MCTP2: variants seen among roughly 807,000 people sequenced by gnomAD.
The protein encoded by MCTP2 is multiple C2 and transmembrane domain containing 2.
A neutral mutation model predicts 111.6 loss-of-function variants in MCTP2; 132 were observed. That is an observed-to-expected ratio of 1.18 (90% CI 1.03 to 1.37). The LOEUF (loss-of-function observed/expected upper bound fraction) is 1.37, where lower values mean the gene tolerates loss of function less well. MCTP2 is among the 40% of genes most tolerant of loss of function. MCTP2 has a pLI of 0.00. For missense variants in MCTP2, 1,183 were observed against 1,067.9 expected, an observed-to-expected ratio of 1.11 and a Z score of -1.50; for synonymous variants, 395 against 387.7, an observed-to-expected ratio of 1.02 and a Z score of -0.22.
At chr15:94,462,206 G>T (rs2152530669) in intron 20 of MCTP2, among the ~76,000 whole-genome samples, 2 of 152,230 alleles carry the variant, frequency 1.3e-5, no homozygotes, top group Middle Eastern at 6.8e-3. Context: ...CCACCTTCTG[G>T]GATGTGTCAC....
At chr15:94,427,976 C>T (rs534086290) in intron 17 of MCTP2, among the ~76,000 whole-genome samples, 18 of 152,220 alleles carry the variant, frequency 1.2e-4, no homozygotes, top group African/African-American at 4.3e-4. Flanking sequence ...AAACCATACC[C>T]CTCCCAATTT....
chr15:94,471,054 A>G (rs1028326215), intron 21 of MCTP2, among the ~76,000 whole-genome samples: 4 of 152,230 alleles, frequency 2.6e-5, no homozygotes, highest in Non-Finnish European at 5.9e-5. Flanking sequence ...GCAAACTGGA[A>G]ATAAATGTCA....
intron 17 of MCTP2, among the ~76,000 whole-genome samples, chr15:94,405,066 C>T (rs923060619): frequency 7.9e-5 from 12 of 152,138 alleles, no homozygotes; most frequent in African/African-American, 1.7e-4. Context: ...TTAAATGACC[C>T]GTAGTCAGGT....
At chr15:94,393,119 A>G (rs997643377) in intron 14 of MCTP2, among the ~76,000 whole-genome samples, 1 of 152,000 alleles carries the variant, frequency 6.6e-6, no homozygotes, top group Admixed American at 6.6e-5. Flanking sequence ...TATGAACATA[A>G]AGAAAATTCA....
chr15:94,337,544 A>T (rs1301215260), intron 4 of MCTP2, among the ~76,000 whole-genome samples: 79 of 117,602 alleles, frequency 6.7e-4, no homozygotes, highest in Admixed American at 4.3e-4. Context: ...GCCTCGCCAG[A>T]GGTGTTCTCT....
chr15:94,476,641 TAGATAGATAG>T (rs2152546080), intron 21 of MCTP2, 45 bp from the exon 22 acceptor site: 5 of 883,522 alleles, frequency 5.7e-6, no homozygotes, highest in Admixed American at 3.6e-5. Flanking sequence ...GATAGATAGA[TAGATAGATAG>T]ACAGACAGAC....
chr15:94,255,421 A>G (rs1007044394), intron 1 of MCTP2, among the ~76,000 whole-genome samples: 41 of 152,230 alleles, frequency 2.7e-4, no homozygotes, highest in African/African-American at 7.2e-4. Flanking sequence ...ATTAGCAACC[A>G]TTTAGATATA....
chr15:94,462,247 GA>G (rs763176291), intron 20 of MCTP2, among the ~76,000 whole-genome samples: 4 of 152,212 alleles, frequency 2.6e-5, no homozygotes, highest in Non-Finnish European at 4.4e-5. Context: ...CTGAAATTTA[GA>G]AAACGATGTT....
At chr15:94,420,011 G>A (rs1381387065) in intron 17 of MCTP2, among the ~76,000 whole-genome samples, 1 of 152,016 alleles carries the variant, frequency 6.6e-6, no homozygotes, top group African/African-American at 2.4e-5. Context: ...TCTTGTTAGG[G>A]GTTAATGCAG....
At chr15:94,363,609 G>A (rs990555132) in intron 10 of MCTP2, among the ~76,000 whole-genome samples, 1 of 152,128 alleles carries the variant, frequency 6.6e-6, no homozygotes, top group African/African-American at 2.4e-5. Flanking sequence ...AAGGCACAAA[G>A]CCACTGGATT....
At chr15:94,255,988 T>C (rs1377227176) in intron 1 of MCTP2, among the ~76,000 whole-genome samples, 1 of 152,220 alleles carries the variant, frequency 6.6e-6, no homozygotes, top group Non-Finnish European at 1.5e-5. Context: ...ATAAAAACTT[T>C]TGTCTTTTCC....
At chr15:94,284,812 G>A (rs1307800746) in intron 1 of MCTP2, among the ~76,000 whole-genome samples, 1 of 147,980 alleles carries the variant, frequency 6.8e-6, no homozygotes, top group African/African-American at 2.4e-5. Context: ...AAATGATTAT[G>A]GGCTGAGGTA....
rs2071363359 is a variant in MCTP2 at position 94,243,763 on chromosome 15, GTA to G, written c.-66+12105_-66+12106del. Among the ~76,000 whole-genome samples, 4 of 144,870 alleles carry G rather than the reference GTA, an allele frequency of 2.8e-5. No homozygotes were observed. In the South Asian group the frequency reaches 6.5e-4, roughly 23 times the overall value. ...CATATATGTATACACATGCATATGT[GTA>G]TATATTTATGAACATATATATGTAT... is the stretch of plus-strand genomic sequence containing the variant. On this transcript the variant is annotated intron_variant, in intron 1 of 22. Coordinates refer to ENST00000357742, the MANE Select transcript of MCTP2 (RefSeq NM_001385001.1).
intron 17 of MCTP2, chr15:94,402,864 G>T: frequency 8.4e-7 from 1 of 1,189,916 alleles, no homozygotes; most frequent in Non-Finnish European, 1.0e-6. Context: ...CTAAGAGTGT[G>T]AATATCAGTC....
intron 19 of MCTP2, among the ~76,000 whole-genome samples, chr15:94,448,317 C>A (rs1244238093): frequency 1.3e-5 from 2 of 152,110 alleles, no homozygotes; most frequent in African/African-American, 4.8e-5. Flanking sequence ...GATTTCTATT[C>A]TAAGGATTGT....
At chr15:94,408,651 A>G (rs2082013994) in intron 17 of MCTP2, among the ~76,000 whole-genome samples, 1 of 152,246 alleles carries the variant, frequency 6.6e-6, no homozygotes, top group African/African-American at 2.4e-5. Context: ...CATTAAAAAG[A>G]TTATCTGTTA....
chr15:94,266,068 A>G (rs1282925946), intron 1 of MCTP2, among the ~76,000 whole-genome samples: 1 of 83,840 alleles, frequency 1.2e-5, no homozygotes, highest in African/African-American at 6.2e-5. Context: ...ATACACGTGC[A>G]TGCGTGTGCG....
At chr15:94,475,697 A>G (rs550956163) in intron 21 of MCTP2, among the ~76,000 whole-genome samples, 1 of 152,282 alleles carries the variant, frequency 6.6e-6, no homozygotes, top group South Asian at 2.1e-4. Context: ...TCAACATGAA[A>G]AACGGGTTGA....
At chr15:94,329,473 G>T (rs2892588) in intron 4 of MCTP2, among the ~76,000 whole-genome samples, 5 of 152,042 alleles carry the variant, frequency 3.3e-5, no homozygotes, top group African/African-American at 1.2e-4. Context: ...GAGGAGCTTA[G>T]AATCATGGCT....
Sources: allele counts gnomAD v4.1 joint callset (sites outside exome capture counted in the v4.1 genomes callset), GRCh38; gene constraint gnomAD v4.1.1; transcripts MANE v1.5; gene names NCBI Gene and HGNC (gene_info 2026-07-23, HGNC 2026-07-21).